Variants in SEC63 observed in about 807,000 individuals in gnomAD.
The protein encoded by SEC63 is translocation protein SEC63 homolog.
Under a neutral mutation model 116.2 loss-of-function variants are expected in SEC63, and 56 were observed. The ratio of observed to expected loss-of-function variants is 0.48; its 90% CI spans 0.39 to 0.60. The LOEUF (loss-of-function observed/expected upper bound fraction) is 0.60. Among genes scored for constraint, SEC63 ranks in the 20% least tolerant of loss-of-function variants. The pLI, the probability that SEC63 is intolerant of heterozygous loss-of-function variation, is 0.00. For synonymous variants in SEC63, 273 were observed against 294.6 expected (o/e 0.93, Z 0.75); for missense variants, 668 against 900.0 (o/e 0.74, Z 3.30).
At chr6:107,896,805 C>A (rs1786846019) in intron 14 of SEC63, among the ~76,000 whole-genome samples, 1 of 151,900 alleles carries the variant, frequency 6.6e-6, no homozygotes, top group African/African-American at 2.4e-5. Flanking sequence ...ATGGTGAAAC[C>A]CCATCTCTAC....
chr6:107,915,770 A>G (rs1787386975), intron 4 of SEC63, among the ~76,000 whole-genome samples: 4 of 152,196 alleles, frequency 2.6e-5, no homozygotes, highest in African/African-American at 9.6e-5. Flanking sequence ...CAAGGCTGCT[A>G]GAGTTATTCA....
intron 16 of SEC63, among the ~76,000 whole-genome samples, chr6:107,884,019 G>C (rs1786471750): frequency 6.6e-6 from 1 of 152,004 alleles, no homozygotes; most frequent in Non-Finnish European, 1.5e-5. Context: ...GGAGGCCGAG[G>C]CAGGTGGATA....
chr6:107,918,219 T>C (rs1265111923), intron 4 of SEC63, among the ~76,000 whole-genome samples: 2 of 145,712 alleles, frequency 1.4e-5, no homozygotes, highest in Non-Finnish European at 3.0e-5. Context: ...TTACTGAATA[T>C]TTTAGGCCCA....
At position 107,874,942 on chromosome 6, in the gene SEC63, G is replaced by A. The variant is rs143487044; in HGVS notation, c.2034+1622C>T. 1.3e-3 allele frequency among the ~76,000 whole-genome samples: 198 copies of A among 152,298 alleles called. 1 individual carries two copies. Among genetic ancestry groups the A allele is most frequent in the South Asian group, 0.01 (49 of 4,828 alleles). ...TTGAGGAAATCTGAATACAGACTGC[G>A]TATTAGATAATTATGCCACATCAAT... On this transcript the variant is annotated intron_variant, in intron 19 of 20. Transcript: ENST00000369002.
chr6:107,912,836 A>G, intron 5 of SEC63, 62 bp from the exon 6 acceptor site: 1 of 1,183,502 alleles, frequency 8.4e-7, no homozygotes, highest in Non-Finnish European at 1.2e-6. Context: ...TAAATACATT[A>G]AATATATTTG....
intron 10 of SEC63, among the ~76,000 whole-genome samples, chr6:107,905,482 G>C (rs1048592633): frequency 2.0e-5 from 3 of 152,174 alleles, no homozygotes; most frequent in African/African-American, 7.2e-5. Context: ...TTATTTCCTA[G>C]AGGTAGTAAC....
Position 107,958,157 on chromosome 6 carries a change from A to G in SEC63, c.-148T>C. On this transcript the variant is annotated 5_prime_UTR_variant, in exon 1 of 21. Transcript: ENST00000369002. ...CCGCCCCCACGCCACTCTCACGGACACGCCGCCGCCACCTCTGCCGCTGCC... is the reference window on the plus strand; with the variant it reads ...CCGCCCCCACGCCACTCTCACGGACGCGCCGCCGCCACCTCTGCCGCTGCC... The G allele has an allele frequency of 8.0e-7, 1 of 1,244,570 alleles. No individual in the cohort carries two copies. The highest frequency in any genetic ancestry group is 1.1e-6 in the Non-Finnish European group (1 of 889,128). 77.1% of individuals were successfully genotyped at this position (1,244,570 alleles called of 1,614,324 possible). A position where few individuals can be genotyped will look rare whatever the true frequency, so the allele number is the denominator to read the frequency against.
At chr6:107,919,495 A>G (rs1340024881) in intron 4 of SEC63, among the ~76,000 whole-genome samples, 1 of 152,186 alleles carries the variant, frequency 6.6e-6, no homozygotes, top group Admixed American at 6.5e-5. Flanking sequence ...TTGATAAAGC[A>G]GTGGCAGAAT....
intron 1 of SEC63, among the ~76,000 whole-genome samples, chr6:107,956,275 T>C (rs1163486880): frequency 6.6e-6 from 1 of 152,212 alleles, no homozygotes. Context: ...AATACCTTTT[T>C]GTTTTCTACA....
intron 1 of SEC63, among the ~76,000 whole-genome samples, chr6:107,942,894 A>C (rs1029211932): frequency 6.6e-6 from 1 of 152,232 alleles, no homozygotes; most frequent in African/African-American, 2.4e-5. Context: ...CAAGTTGCAG[A>C]CCTCAATCTA....
intron 1 of SEC63, among the ~76,000 whole-genome samples, chr6:107,937,428 T>C (rs1562337442): frequency 6.6e-6 from 1 of 152,186 alleles, no homozygotes; most frequent in Non-Finnish European, 1.5e-5. Context: ...GCCCGGCCAC[T>C]ACATTTTCTT....
chr6:107,921,781 G>A lies in SEC63; in HGVS notation c.452+16C>T, dbSNP rs1411347149. The A allele has an allele frequency of 2.0e-6, 3 of 1,493,698 alleles. No individual in the cohort carries two copies. The South Asian group carries it at 3.4e-5, about 17-fold the overall frequency. 92.5% of individuals were successfully genotyped at this position (1,493,698 alleles called of 1,614,324 possible). On this transcript the variant is annotated intron_variant, in intron 4 of 20. Coordinates refer to ENST00000369002, the MANE Select transcript of SEC63 (RefSeq NM_007214.5). ...TGTACCATTCTTAAAAATTTGTAAT[G>A]GATCCTGATACTTACGCAGCATAAG...
chr6:107,897,842 CATATT>C, intron 13 of SEC63, 111 bp from the exon 14 acceptor site: 1 of 750,618 alleles, frequency 1.3e-6, no homozygotes, highest in Non-Finnish European at 2.4e-6. Flanking sequence ...GTATTTCAAG[CATATT>C]ATATTTTAAA....
chr6:107,902,782 AT>A, intron 12 of SEC63, 61 bp downstream of exon 12: 1 of 1,501,478 alleles, frequency 6.7e-7, no homozygotes, highest in East Asian at 2.3e-5. Flanking sequence ...ACTTTTATTC[AT>A]GTTACCTTTA....
intron 8 of SEC63, among the ~76,000 whole-genome samples, chr6:107,908,113 A>C (rs569684221): frequency 2.0e-5 from 3 of 152,344 alleles, no homozygotes; most frequent in Non-Finnish European, 2.9e-5. Flanking sequence ...CTCTCTCATT[A>C]CTAAGAAAAT....
chr6:107,914,378 A>G (rs2114463554), intron 4 of SEC63, among the ~76,000 whole-genome samples: 1 of 152,256 alleles, frequency 6.6e-6, no homozygotes, highest in East Asian at 1.9e-4. Flanking sequence ...AAAACTTAAG[A>G]GGCAATGTAG....
chr6:107,910,578 CAT>C (rs754079513), intron 7 of SEC63, among the ~76,000 whole-genome samples: 4 of 151,988 alleles, frequency 2.6e-5, no homozygotes, highest in Non-Finnish European at 4.4e-5. Context: ...ATACACGTGT[CAT>C]ACACATGTAT....
intron 13 of SEC63, 75 bp downstream of exon 13, chr6:107,901,295 G>A: frequency 1.4e-6 from 2 of 1,403,858 alleles, no homozygotes; most frequent in South Asian, 2.3e-5. Flanking sequence ...AGTGTTTTGA[G>A]AATCCTGAGT....
chr6:107,914,489 T>G (rs1787356028), intron 4 of SEC63, among the ~76,000 whole-genome samples: 1 of 152,174 alleles, frequency 6.6e-6, no homozygotes, highest in African/African-American at 2.4e-5. Context: ...TTGAAAATAT[T>G]TTTAAATTTA....
Sources: gnomAD v4.1 joint callset for allele counts (sites outside exome capture counted in the v4.1 genomes callset) on GRCh38, gnomAD v4.1.1 for gene constraint, MANE v1.5 for transcripts, NCBI Gene and HGNC (gene_info 2026-07-23, HGNC 2026-07-21) for gene names.